Variants in INO80 observed in about 807,000 individuals in gnomAD.
The protein encoded by INO80 is chromatin-remodeling ATPase INO80.
In INO80, 20 loss-of-function variants were observed where a neutral mutation model predicts 203.4. The ratio of observed to expected loss-of-function variants is 0.10; its 90% CI spans 0.07 to 0.14. INO80 has a LOEUF of 0.14. Among genes scored for constraint, INO80 ranks in the 10% least tolerant of loss-of-function variants. The probability of loss-of-function intolerance (pLI) is 1.00; values close to 1 mark genes in which losing one functional copy is unlikely to be tolerated. For missense variants in INO80, 1,419 were observed against 1,914.4 expected, an observed-to-expected ratio of 0.74 and a Z score of 4.83; for synonymous variants, 726 against 685.2, an observed-to-expected ratio of 1.06 and a Z score of -0.93.
rs1487389113 is a variant in INO80 at position 40,987,173 on chromosome 15, T to G, written c.3750A>C (p.Ser1250=). The change falls in exon 31 of 36, where the codon TCA becomes TCC. Residue 1250 remains serine, a synonymous_variant. Transcript: ENST00000648947. ...EKSEIQRMVI[S]GGNFKPDTLK... ...AGGTATCTGGTTTGAAGTTCCCACC[T>G]GAAATCACCATCCGCTGAATCTACA... is the stretch of plus-strand genomic sequence containing the variant. 6.2e-7 allele frequency: 1 copy of G among 1,611,012 alleles called. No individual in the cohort carries two copies. The highest frequency in any genetic ancestry group is 2.2e-5 in the East Asian group (1 of 44,862).
In INO80 at chr15:41,027,556, A is replaced by G. The variant is rs763202004; in HGVS notation, c.3048+40T>C. ...CCTTAAAAATTGGTTTATTTCTCCT[A>G]TTGCCATCTATTTCATCTCTTCCCT... is the stretch of plus-strand genomic sequence containing the variant. On this transcript the variant is annotated intron_variant, in intron 25 of 35. Coordinates refer to ENST00000648947, the MANE Select transcript of INO80 (RefSeq NM_017553.3). 3.3e-6 allele frequency: 5 copies of G among 1,537,416 alleles called. No homozygotes were observed. The African/African-American group carries it at 5.5e-5, about 17-fold the overall frequency.
intron 14 of INO80, among the ~76,000 whole-genome samples, chr15:41,062,262 A>AT (rs1302663844): frequency 6.6e-6 from 1 of 152,092 alleles, no homozygotes. Flanking sequence ...TATTATTATT[A>AT]TTTTTTAAGT....
chr15:41,025,019 A>G (rs2140475200), intron 25 of INO80, among the ~76,000 whole-genome samples: 1 of 152,204 alleles, frequency 6.6e-6, no homozygotes, highest in African/African-American at 2.4e-5. Context: ...CGGTGTAATT[A>G]CTCCCATTTT....
At chr15:41,108,784 A>C (rs961462417) in intron 1 of INO80, 2 of 152,226 alleles carry the variant, frequency 1.3e-5, no homozygotes, top group African/African-American at 2.4e-5. Context: ...TTTATATCTA[A>C]CAACACTATA....
At chr15:41,068,600 G>A (rs1165804311) in intron 14 of INO80, among the ~76,000 whole-genome samples, 2 of 151,998 alleles carry the variant, frequency 1.3e-5, no homozygotes, top group African/African-American at 4.8e-5. Context: ...GCTCATGCCT[G>A]TAATCCTTGC....
intron 29 of INO80, among the ~76,000 whole-genome samples, chr15:40,991,742 G>T (rs950530529): frequency 3.9e-5 from 6 of 151,928 alleles, no homozygotes; most frequent in African/African-American, 1.5e-4. Context: ...GAGTTTCAGG[G>T]GATGAGAGAA....
intron 14 of INO80, among the ~76,000 whole-genome samples, chr15:41,064,644 T>G (rs1235707095): frequency 6.6e-6 from 1 of 152,168 alleles, no homozygotes; most frequent in South Asian, 2.1e-4. Flanking sequence ...TATCCTTAAA[T>G]GTACATCTAT....
chr15:41,007,710 G>A lies in INO80; in HGVS notation c.3403-2023C>T, dbSNP rs148044310. ...CAAGTCTTAGCTCTTGAACTAAGAC[G>A]AGCAGTGGGACTTCAGGCTTTAGTA... On this transcript the variant is annotated intron_variant, in intron 27 of 35. Coordinates refer to ENST00000648947, the MANE Select transcript of INO80 (RefSeq NM_017553.3). 9.0e-4 allele frequency among the ~76,000 whole-genome samples: 135 copies of A among 149,536 alleles called. 1 individual carries two copies. The East Asian group carries it at 0.021, about 23-fold the overall frequency.
chr15:41,021,089 G>C lies in INO80; in HGVS notation c.3085C>G (p.Arg1029Gly), dbSNP rs1448541991. 1.1e-5 allele frequency: 17 copies of C among 1,613,982 alleles called. No individual in the cohort carries two copies. Among genetic ancestry groups the C allele is most frequent in the African/African-American group, 2.7e-5 (2 of 74,920 alleles). Residue 1029 changes from arginine to glycine, a missense_variant, in exon 26 of 36, where the codon CGA (arginine) becomes GGA (glycine). By Grantham distance (125) the Arg-to-Gly change is moderately radical. This residue lies in a region of INO80 where 302 missense variants were observed against 345.4 expected (regional missense o/e 0.87). Transcript: ENST00000648947. ...ACTCGCCTTTCATATTCTGCACTTC[G>C]GTCATTGCAGTAAGAATCCAATGGC... ...AVPLDSYCND[R>G]SAEYERRVLK...
At chr15:41,112,786 CAAAA>C (rs893121991) in intron 1 of INO80, among the ~76,000 whole-genome samples, 640 of 19,010 alleles carry the variant, frequency 0.034, 4 homozygotes, top group African/African-American at 0.14. Flanking sequence ...GACTCCATCT[CAAAA>C]AAAAAAAAAA....
intron 35 of INO80, among the ~76,000 whole-genome samples, chr15:40,980,940 C>A (rs911258918): frequency 6.6e-6 from 1 of 152,178 alleles, no homozygotes; most frequent in African/African-American, 2.4e-5. Flanking sequence ...GTTCTCCTTG[C>A]GCTGGCAATG....
At chr15:41,078,662 C>T (rs1028050331) in intron 9 of INO80, among the ~76,000 whole-genome samples, 6 of 152,186 alleles carry the variant, frequency 3.9e-5, no homozygotes, top group African/African-American at 1.4e-4. Context: ...TGAAAGAAAA[C>T]ATCATCCAAA....
At chr15:41,111,790 C>T (rs2045962485) in intron 1 of INO80, among the ~76,000 whole-genome samples, 1 of 143,250 alleles carries the variant, frequency 7.0e-6, no homozygotes, top group South Asian at 2.2e-4. Flanking sequence ...GCTACAAGAG[C>T]AAAACTCTGT....
At position 41,020,941 on chromosome 15, in the gene INO80, C is replaced by G; in HGVS notation, c.3233G>C (p.Ser1078Thr). 6.2e-7 allele frequency: 1 copy of G among 1,613,768 alleles called. No individual in the cohort carries two copies. Among genetic ancestry groups the G allele is most frequent in the Non-Finnish European group, 8.5e-7 (1 of 1,179,678 alleles). ...AGACCAGCCATTCTGAGGTCTGATG[C>G]TCCACAGACCTCCAGCTGGCTCTGG... ...FFPEPAGGLW[S>T]IRPQNGWSFI... is the part of the protein sequence containing the mutation. Residue 1078 changes from serine to threonine, a missense_variant, in exon 26 of 36, where the codon AGC (serine) becomes ACC (threonine). Physicochemically the swap from Ser to Thr is moderately conservative, Grantham distance 58. Coordinates refer to ENST00000648947, the MANE Select transcript of INO80 (RefSeq NM_017553.3).
At position 41,047,378 on chromosome 15, in the gene INO80, C is replaced by G. The variant is rs770500788; in HGVS notation, c.2735+30G>C. 5 of 1,442,790 alleles carry G rather than the reference C, an allele frequency of 3.5e-6. No homozygotes were observed. The African/African-American group carries it at 7.0e-5, about 20-fold the overall frequency. 89.4% of individuals were successfully genotyped at this position (1,442,790 alleles called of 1,614,324 possible). A position where few individuals can be genotyped will look rare whatever the true frequency, so the allele number is the denominator to read the frequency against. ...TCTATCCCATTTATTCCTAACTGGC[C>G]TCTTATCAAGCAATAAGCAAACCTC... On this transcript the variant is annotated intron_variant, in intron 23 of 35. Transcript: ENST00000648947.
At position 40,993,734 on chromosome 15, in the gene INO80, G is replaced by T. The variant is rs185498836; in HGVS notation, c.3570+3795C>A. On this transcript the variant is annotated intron_variant, in intron 29 of 35. Coordinates refer to ENST00000648947, the MANE Select transcript of INO80 (RefSeq NM_017553.3). ...AGATCAAGCCACTGCACTCCAGCCT[G>T]AATGACAGAGCAAGACTCTGTCTCA... is the stretch of plus-strand genomic sequence containing the variant. 1.1e-3 allele frequency among the ~76,000 whole-genome samples: 163 copies of T among 151,970 alleles called. 1 individual carries two copies. Among genetic ancestry groups the T allele is most frequent in the Non-Finnish European group, 1.2e-3 (79 of 67,996 alleles).
At chr15:41,021,246 T>A (rs2044289791) in intron 25 of INO80, 121 bp from the exon 26 acceptor site, 1 of 670,698 alleles carries the variant, frequency 1.5e-6, no homozygotes, top group Non-Finnish European at 2.6e-6. Context: ...TGGTTTTAAA[T>A]ATCTGTTCTG....
chr15:41,044,688 CAGT>C (rs989663510), intron 24 of INO80, among the ~76,000 whole-genome samples: 5 of 71,828 alleles, frequency 7.0e-5, no homozygotes, highest in African/African-American at 1.7e-4. Flanking sequence ...GTGTACTTCA[CAGT>C]ATTGTAAAAA....
intron 23 of INO80, among the ~76,000 whole-genome samples, chr15:41,047,167 G>C (rs1320906886): frequency 6.6e-6 from 1 of 151,906 alleles, no homozygotes; most frequent in Non-Finnish European, 1.5e-5. Context: ...GTTTCTCCAT[G>C]TTGGTCAGGC....
Sources: gnomAD v4.1 joint callset for allele counts (sites outside exome capture counted in the v4.1 genomes callset) on GRCh38, gnomAD v4.1.1 for gene constraint, gnomAD v4.1.1 regional missense constraint, MANE v1.5 for transcripts, NCBI Gene and HGNC (gene_info 2026-07-23, HGNC 2026-07-21) for gene names.